Variants in CAMTA1 observed in about 807,000 individuals in gnomAD.
CAMTA1 encodes the protein calmodulin-binding transcription activator 1.
Under a neutral mutation model 170.9 loss-of-function variants are expected in CAMTA1, and 27 were observed. The observed-to-expected ratio is 0.16, with a 90% CI of 0.12 to 0.22. The LOEUF (loss-of-function observed/expected upper bound fraction) is 0.22, where lower values mean the gene tolerates loss of function less well. Ranked by LOEUF, CAMTA1 falls within the 10% of genes least tolerant of loss-of-function variation. The pLI is 1.00. For missense variants in CAMTA1, 1,619 were observed against 2,217.2 expected, an observed-to-expected ratio of 0.73 and a Z score of 5.42; for synonymous variants, 833 against 891.5, an observed-to-expected ratio of 0.93 and a Z score of 1.17.
intron 6 of CAMTA1, among the ~76,000 whole-genome samples, chr1:7,568,281 A>G (rs1172970351): frequency 6.7e-6 from 1 of 149,962 alleles, no homozygotes; most frequent in East Asian, 2.0e-4. Context: ...CATCATCATC[A>G]TCATCATCAC....
intron 1 of CAMTA1, among the ~76,000 whole-genome samples, chr1:6,812,240 G>A (rs567856743): frequency 6.6e-6 from 1 of 152,304 alleles, no homozygotes; most frequent in African/African-American, 2.4e-5. Context: ...ACAGTAGTAT[G>A]GGAGAACTGG....
At chr1:6,840,442 C>T (rs1054814044) in intron 3 of CAMTA1, among the ~76,000 whole-genome samples, 14 of 152,002 alleles carry the variant, frequency 9.2e-5, no homozygotes, top group Non-Finnish European at 2.9e-5. Context: ...GTGGAGCTGT[C>T]AATTCATGGG....
At chr1:6,868,784 A>G (rs999477376) in intron 3 of CAMTA1, among the ~76,000 whole-genome samples, 1 of 152,238 alleles carries the variant, frequency 6.6e-6, no homozygotes, top group African/African-American at 2.4e-5. Context: ...TGTAACACTG[A>G]TGACTTGATG....
intron 4 of CAMTA1, among the ~76,000 whole-genome samples, chr1:7,142,894 AC>A (rs1645969591): frequency 6.6e-6 from 1 of 152,248 alleles, no homozygotes; most frequent in South Asian, 2.1e-4. Context: ...TCCCTGAAAC[AC>A]GAGAGGCTGG....
At chr1:7,484,822 C>T (rs539279588) in intron 6 of CAMTA1, among the ~76,000 whole-genome samples, 2 of 152,084 alleles carry the variant, frequency 1.3e-5, no homozygotes, top group South Asian at 4.2e-4. Flanking sequence ...TTGTCATGAC[C>T]GTTGTGTTGT....
In CAMTA1 at chr1:7,615,949, T is replaced by C. The variant is rs188544628; in HGVS notation, c.511-24451T>C. Reference sequence around the variant, plus strand: ...CTACAATAGCTCTTTGTGGAATGTTTTATACAGGATTTCTGTGAAAACCTA... The same window carrying C: ...CTACAATAGCTCTTTGTGGAATGTTCTATACAGGATTTCTGTGAAAACCTA... On this transcript the variant is annotated intron_variant, in intron 6 of 22. Transcript: ENST00000303635. 5.9e-5 allele frequency among the ~76,000 whole-genome samples: 9 copies of C among 152,364 alleles called. No individual in the cohort carries two copies. The East Asian group carries it at 1.7e-3, about 29-fold the overall frequency.
At chr1:6,969,302 C>A (rs547887614) in intron 3 of CAMTA1, among the ~76,000 whole-genome samples, 1 of 152,142 alleles carries the variant, frequency 6.6e-6, no homozygotes, top group Non-Finnish European at 1.5e-5. Context: ...TTTGTGGAGG[C>A]GGCAGCGGGA....
At chr1:6,978,028 A>G (rs1342126369) in intron 3 of CAMTA1, among the ~76,000 whole-genome samples, 1 of 152,136 alleles carries the variant, frequency 6.6e-6, no homozygotes, top group Admixed American at 6.6e-5. Flanking sequence ...ACGTGGAGGT[A>G]GAGGGTAGAA....
intron 6 of CAMTA1, among the ~76,000 whole-genome samples, chr1:7,577,210 T>C (rs903202144): frequency 1.3e-5 from 2 of 152,208 alleles, no homozygotes; most frequent in Non-Finnish European, 2.9e-5. Flanking sequence ...CTCAGATCCC[T>C]GTCACCTCTG....
chr1:7,715,348 C>A (rs2096601086), intron 11 of CAMTA1, among the ~76,000 whole-genome samples: 2 of 152,176 alleles, frequency 1.3e-5, no homozygotes, highest in Non-Finnish European at 2.9e-5. Flanking sequence ...ATTCCGTCAA[C>A]CACTTGGGGG....
chr1:6,933,631 C>A (rs983440580), intron 3 of CAMTA1, among the ~76,000 whole-genome samples: 3 of 150,980 alleles, frequency 2.0e-5, no homozygotes, highest in African/African-American at 7.3e-5. Context: ...TCAGTTAAAG[C>A]ATATGGTGTG....
chr1:7,523,722 C>CA (rs70984089), intron 6 of CAMTA1, among the ~76,000 whole-genome samples: 105,224 of 146,688 alleles, frequency 0.72, 37,665 homozygotes, highest in South Asian at 0.82. Context: ...ACTAAATATA[C>CA]AAAAAAAAAA....
intron 6 of CAMTA1, among the ~76,000 whole-genome samples, chr1:7,601,460 G>A: frequency 6.6e-6 from 1 of 151,860 alleles, no homozygotes; most frequent in Non-Finnish European, 1.5e-5. Flanking sequence ...TTCCAGACTG[G>A]GCAGCCAGGC....
chr1:7,097,047 C>G (rs1210840122), intron 4 of CAMTA1, among the ~76,000 whole-genome samples: 1 of 152,200 alleles, frequency 6.6e-6, no homozygotes, highest in East Asian at 1.9e-4. Flanking sequence ...GCCCTCACCT[C>G]GAATGCCCTC....
intron 1 of CAMTA1, among the ~76,000 whole-genome samples, chr1:6,809,594 A>G (rs904604494): frequency 5.3e-5 from 8 of 152,018 alleles, no homozygotes; most frequent in African/African-American, 1.9e-4. Context: ...TACAGACAGT[A>G]CCTTTGCAAC....
intron 6 of CAMTA1, among the ~76,000 whole-genome samples, chr1:7,516,223 G>A (rs2094284305): frequency 6.6e-6 from 1 of 152,218 alleles, no homozygotes; most frequent in Admixed American, 6.5e-5. Flanking sequence ...TCAAATTAAT[G>A]ACCAAAATGT....
intron 5 of CAMTA1, among the ~76,000 whole-genome samples, chr1:7,399,747 A>C (rs1004012337): frequency 6.6e-5 from 10 of 152,156 alleles, no homozygotes; most frequent in African/African-American, 2.2e-4. Flanking sequence ...GTTGGGCATA[A>C]TATTCTAGGC....
intron 4 of CAMTA1, among the ~76,000 whole-genome samples, chr1:7,181,728 A>G (rs1172689633): frequency 1.3e-5 from 2 of 151,264 alleles, no homozygotes; most frequent in Non-Finnish European, 2.9e-5. Context: ...TTGAACAAAT[A>G]GAAAGACATC....
intron 6 of CAMTA1, among the ~76,000 whole-genome samples, chr1:7,526,681 G>A (rs915972572): frequency 1.3e-5 from 2 of 152,140 alleles, no homozygotes; most frequent in Admixed American, 6.5e-5. Context: ...GCTGAGGGGC[G>A]AGGCCAGCCA....
Sources: allele counts gnomAD v4.1 joint callset (sites outside exome capture counted in the v4.1 genomes callset), GRCh38; gene constraint gnomAD v4.1.1; transcripts MANE v1.5; gene names NCBI Gene and HGNC (gene_info 2026-07-23, HGNC 2026-07-21).